STPG2: variants seen among roughly 807,000 people sequenced by gnomAD.
STPG2 encodes the protein sperm-tail PG-rich repeat-containing protein 2.
STPG2 carries 56 observed loss-of-function variants against 54.2 expected under a neutral mutation model. That is an observed-to-expected ratio of 1.03 (90% CI 0.83 to 1.29). The LOEUF is 1.29. STPG2 is among the 50% of genes most tolerant of loss of function. The probability of loss-of-function intolerance (pLI) is 0.00; values close to 1 mark genes in which losing one functional copy is unlikely to be tolerated. For synonymous variants in STPG2, 200 were observed against 181.8 expected, an observed-to-expected ratio of 1.10 and a Z score of -0.81; for missense variants, 596 against 544.9, an observed-to-expected ratio of 1.09 and a Z score of -0.93.
At chr4:97,549,792 C>A (rs1171695956) in intron 4 of STPG2, among the ~76,000 whole-genome samples, 1 of 152,132 alleles carries the variant, frequency 6.6e-6, no homozygotes, top group Non-Finnish European at 1.5e-5. Flanking sequence ...AAAGACAGAG[C>A]TCCTCTAGAG....
At chr4:97,635,623 T>C (rs187435276) in intron 10 of STPG2, among the ~76,000 whole-genome samples, 152 of 151,686 alleles carry the variant, frequency 1.0e-3, no homozygotes, top group Middle Eastern at 3.4e-3. Context: ...ACATATAGGC[T>C]CAAAATAAAG....
At chr4:98,008,928 T>A (rs554674050) in intron 5 of STPG2, among the ~76,000 whole-genome samples, 2 of 152,122 alleles carry the variant, frequency 1.3e-5, no homozygotes, top group African/African-American at 4.8e-5. Flanking sequence ...TTTGTTGGTA[T>A]ACAACTGTTC....
chr4:97,542,247 T>C (rs1731728374), intron 4 of STPG2, among the ~76,000 whole-genome samples: 1 of 152,128 alleles, frequency 6.6e-6, no homozygotes, highest in Non-Finnish European at 1.5e-5. Flanking sequence ...ATCCAGAATC[T>C]ACAAAGAACT....
In STPG2 at chr4:97,539,488, T is replaced by C. The variant is rs565387578; in HGVS notation, c.462+173211A>G. ...TAAAGGGATCAATTCAACAAGAAGATCTAACTATCGTAAATATTTATGCAC... is the reference window on the plus strand; with the variant it reads ...TAAAGGGATCAATTCAACAAGAAGACCTAACTATCGTAAATATTTATGCAC... On this transcript the variant is annotated intron_variant, in intron 4 of 4. Coordinates refer to the STPG2 transcript ENST00000522676. Among the ~76,000 whole-genome samples the C allele has an allele frequency of 4.2e-3, 632 of 152,194 alleles. 3 individuals carry two copies. Among genetic ancestry groups the C allele is most frequent in the South Asian group, 0.02 (98 of 4,824 alleles).
chr4:97,782,754 A>G (rs1277045857), intron 9 of STPG2, among the ~76,000 whole-genome samples: 1 of 152,232 alleles, frequency 6.6e-6, no homozygotes, highest in Non-Finnish European at 1.5e-5. Flanking sequence ...GGAACAGAAG[A>G]GAGCCATCAG....
intron 9 of STPG2, among the ~76,000 whole-genome samples, chr4:97,811,599 A>G (rs939966756): frequency 2.0e-5 from 3 of 152,142 alleles, no homozygotes; most frequent in African/African-American, 4.8e-5. Context: ...TGTTAAACCA[A>G]TTTGTAGGTT....
chr4:97,904,065 C>G (rs1731293001), intron 8 of STPG2, among the ~76,000 whole-genome samples: 1 of 152,226 alleles, frequency 6.6e-6, no homozygotes, highest in Admixed American at 6.5e-5. Flanking sequence ...GTAAACAAAG[C>G]AGCTGGAAAG....
intron 10 of STPG2, among the ~76,000 whole-genome samples, chr4:97,588,575 G>A (rs1274648595): frequency 6.6e-6 from 1 of 152,012 alleles, no homozygotes; most frequent in Non-Finnish European, 1.5e-5. Flanking sequence ...AAACTCTGAT[G>A]CTATCCACTG....
intron 10 of STPG2, among the ~76,000 whole-genome samples, chr4:97,579,716 T>C (rs2148889883): frequency 6.6e-6 from 1 of 152,182 alleles, no homozygotes; most frequent in East Asian, 1.9e-4. Context: ...TAAGGTGATC[T>C]ACATTCATTA....
chr4:97,819,573 T>C (rs1728018770), intron 9 of STPG2, among the ~76,000 whole-genome samples: 1 of 152,258 alleles, frequency 6.6e-6, no homozygotes, highest in African/African-American at 2.4e-5. Flanking sequence ...ACAAATGTTG[T>C]CTTATATGCT....
chr4:97,678,244 C>A (rs1722916411), intron 10 of STPG2, among the ~76,000 whole-genome samples: 2 of 151,668 alleles, frequency 1.3e-5, no homozygotes, highest in Admixed American at 1.3e-4. Context: ...TGAAATAAGG[C>A]CAGTAATGAG....
intron 4 of STPG2, among the ~76,000 whole-genome samples, chr4:97,466,008 A>C (rs189334186): frequency 7.6e-4 from 115 of 152,142 alleles, no homozygotes; most frequent in African/African-American, 2.7e-3. Context: ...AGGAAAGAAA[A>C]ATTTGTTCAA....
intron 5 of STPG2, among the ~76,000 whole-genome samples, chr4:98,079,041 A>G (rs1466363495): frequency 1.3e-5 from 2 of 152,168 alleles, no homozygotes; most frequent in Non-Finnish European, 2.9e-5. Context: ...ATGAAAATTT[A>G]TGATTGGCCC....
At chr4:97,939,898 C>T (rs914341216) in intron 8 of STPG2, among the ~76,000 whole-genome samples, 1 of 152,158 alleles carries the variant, frequency 6.6e-6, no homozygotes, top group Admixed American at 6.5e-5. Context: ...TACAGTCACA[C>T]TGGTCCTGTG....
intron 5 of STPG2, among the ~76,000 whole-genome samples, chr4:97,998,282 C>T (rs901364683): frequency 1.3e-5 from 2 of 152,254 alleles, no homozygotes; most frequent in African/African-American, 2.4e-5. Flanking sequence ...CACATTTGCA[C>T]TCTCAGAGCC....
At chr4:97,460,369 C>T (rs1254884717) in intron 4 of STPG2, among the ~76,000 whole-genome samples, 3 of 151,322 alleles carry the variant, frequency 2.0e-5, no homozygotes, top group African/African-American at 4.8e-5. Context: ...CTGTTTTTGT[C>T]TATTGGTTCT....
intron 7 of STPG2, among the ~76,000 whole-genome samples, chr4:97,946,402 G>T (rs1001122631): frequency 1.1e-4 from 16 of 152,020 alleles, no homozygotes; most frequent in African/African-American, 3.9e-4. Context: ...AGTTTAATTA[G>T]GTCTAATTTG....
chr4:97,710,194 A>G (rs1446975353), intron 10 of STPG2, among the ~76,000 whole-genome samples: 1 of 152,000 alleles, frequency 6.6e-6, no homozygotes, highest in Non-Finnish European at 1.5e-5. Context: ...TAGTAATCCA[A>G]TAAATATCAA....
chr4:97,539,055 A>C lies in STPG2; in HGVS notation c.462+173644T>G, dbSNP rs543076413. On this transcript the variant is annotated intron_variant, in intron 4 of 4. Transcript: ENST00000522676. Reference sequence around the variant, plus strand: ...CTCCTGAAGGAAGCACTAAACATGGAAAGGAAAAACTGGTACCAGCCACTG... The same window carrying C: ...CTCCTGAAGGAAGCACTAAACATGGCAAGGAAAAACTGGTACCAGCCACTG... Among the ~76,000 whole-genome samples the C allele has an allele frequency of 2.0e-5, 3 of 152,302 alleles. No individual in the cohort carries two copies. The East Asian group carries it at 5.8e-4, about 29-fold the overall frequency.
Sources: gnomAD v4.1 joint callset for allele counts (sites outside exome capture counted in the v4.1 genomes callset) on GRCh38, gnomAD v4.1.1 for gene constraint, MANE v1.5 for transcripts, NCBI Gene and HGNC (gene_info 2026-07-23, HGNC 2026-07-21) for gene names.